Variants in COL23A1 observed in about 807,000 individuals in gnomAD.
COL23A1 encodes collagen type XXIII alpha 1 chain.
Under a neutral mutation model 99.3 loss-of-function variants are expected in COL23A1, and 97 were observed. That is an observed-to-expected ratio of 0.98 (90% confidence interval 0.83 to 1.16). COL23A1 has a LOEUF of 1.16. Ranked by LOEUF, COL23A1 falls within the 50% of genes most tolerant of loss-of-function variation. The probability of loss-of-function intolerance (pLI) is 0.00; values close to 1 mark genes in which losing one functional copy is unlikely to be tolerated. For synonymous variants in COL23A1, 320 were observed against 308.2 expected, an observed-to-expected ratio of 1.04 and a Z score of -0.40; for missense variants, 762 against 757.4, an observed-to-expected ratio of 1.01 and a Z score of -0.07.
chr5:178,450,295 T>G (rs1767413153), intron 2 of COL23A1, among the ~76,000 whole-genome samples: 1 of 152,188 alleles, frequency 6.6e-6, no homozygotes, highest in Admixed American at 6.5e-5. Context: ...AACGTTAGGA[T>G]GGCATAAGCC....
intron 2 of COL23A1, among the ~76,000 whole-genome samples, chr5:178,480,707 C>G (rs1198828613): frequency 6.6e-6 from 1 of 152,118 alleles, no homozygotes; most frequent in Non-Finnish European, 1.5e-5. Context: ...CAAGGTAAGT[C>G]AAAATGTAAT....
intron 1 of COL23A1, among the ~76,000 whole-genome samples, chr5:178,578,929 T>A (rs1366403764): frequency 2.0e-5 from 3 of 152,204 alleles, no homozygotes. Flanking sequence ...CATGAATAAT[T>A]TTATTTTTAT....
At chr5:178,462,237 T>TC (rs984059351) in intron 2 of COL23A1, among the ~76,000 whole-genome samples, 57 of 151,990 alleles carry the variant, frequency 3.8e-4, no homozygotes, top group African/African-American at 1.1e-3. Context: ...TCCAAGAGGT[T>TC]CCCCCCCACC....
intron 2 of COL23A1, among the ~76,000 whole-genome samples, chr5:178,493,599 T>C (rs1758047070): frequency 6.6e-6 from 1 of 152,212 alleles, no homozygotes; most frequent in African/African-American, 2.4e-5. Flanking sequence ...TTCAAGGCCC[T>C]GCCAGCCGCT....
intron 20 of COL23A1, 78 bp from the exon 21 acceptor site, chr5:178,247,909 G>A (rs1005952080): frequency 2.0e-5 from 26 of 1,272,928 alleles, no homozygotes; most frequent in Non-Finnish European, 2.7e-5. Flanking sequence ...ATCGCACACT[G>A]CTGGATCGAG....
At chr5:178,362,374 C>A (rs1762219115) in intron 2 of COL23A1, among the ~76,000 whole-genome samples, 1 of 152,328 alleles carries the variant, frequency 6.6e-6, no homozygotes, top group South Asian at 2.1e-4. Context: ...AGTGGGCCCA[C>A]AGCACGACAC....
intron 1 of COL23A1, among the ~76,000 whole-genome samples, chr5:178,585,324 C>A (rs1230203404): frequency 1.3e-5 from 2 of 150,438 alleles, no homozygotes; most frequent in East Asian, 2.0e-4. Context: ...TGGGGTAACA[C>A]TTGTGGCCCC....
At chr5:178,288,669 C>T in intron 4 of COL23A1, 1 of 461,850 alleles carries the variant, frequency 2.2e-6, no homozygotes, top group Non-Finnish European at 4.1e-6. Context: ...AGGGTGCAGC[C>T]ACAACCACAC....
chr5:178,295,531 G>C (rs1473139187), intron 3 of COL23A1, among the ~76,000 whole-genome samples: 1 of 152,238 alleles, frequency 6.6e-6, no homozygotes, highest in African/African-American at 2.4e-5. Flanking sequence ...ACACTGGTGA[G>C]AGGATAAATT....
Position 178,349,989 on chromosome 5 carries a change from G to T in COL23A1, c.362-43070C>A, listed in dbSNP as rs116366916. ...CAGTGCATGTGCACCCAGGGTCTCG[G>T]GTCCTATCAAGTCTCCTGGCCTTCA... On this transcript the variant is annotated intron_variant, in intron 2 of 28. Coordinates refer to ENST00000390654, the MANE Select transcript of COL23A1 (RefSeq NM_173465.4). Among the ~76,000 whole-genome samples the T allele has an allele frequency of 8.8e-3, 1,333 of 152,246 alleles. 19 individuals are homozygous for T. Among genetic ancestry groups the T allele is most frequent in the African/African-American group, 0.031 (1,281 of 41,524 alleles).
intron 2 of COL23A1, among the ~76,000 whole-genome samples, chr5:178,345,586 G>A (rs1760920816): frequency 1.3e-5 from 2 of 151,080 alleles, no homozygotes; most frequent in African/African-American, 4.9e-5. Flanking sequence ...GCGCGATCTC[G>A]ACTCACTGCA....
chr5:178,252,653 C>G, intron 16 of COL23A1, 56 bp from the exon 17 acceptor site: 1 of 1,492,458 alleles, frequency 6.7e-7, no homozygotes, highest in Non-Finnish European at 9.2e-7. Context: ...CCTCCCTTCG[C>G]TACCCATCCA....
chr5:178,287,665 C>T (rs1190249772), intron 5 of COL23A1, among the ~76,000 whole-genome samples: 1 of 152,192 alleles, frequency 6.6e-6, no homozygotes, highest in East Asian at 1.9e-4. Flanking sequence ...CAAAATGAAT[C>T]TGCCCCTCCC....
Position 178,273,623 on chromosome 5 carries a change from G to A in COL23A1, c.442-3260C>T, listed in dbSNP as rs181112808. On this transcript the variant is annotated intron_variant, in intron 5 of 28. Transcript: ENST00000390654. Reference sequence around the variant, plus strand: ...CGGAAGCCGAGCCTGTGCCTGCACCGGCACTGAAGCTCCCTGTGTGAAAAC... The same window carrying A: ...CGGAAGCCGAGCCTGTGCCTGCACCAGCACTGAAGCTCCCTGTGTGAAAAC... Among the ~76,000 whole-genome samples the A allele has an allele frequency of 1.4e-3, 207 of 152,324 alleles. 1 individual carries two copies. The highest frequency in any genetic ancestry group is 4.7e-3 in the African/African-American group (195 of 41,568).
intron 2 of COL23A1, among the ~76,000 whole-genome samples, chr5:178,463,699 T>A (rs1453082742): frequency 1.3e-5 from 2 of 152,140 alleles, no homozygotes; most frequent in East Asian, 3.9e-4. Context: ...GCTTTCCAAA[T>A]GTGCACGGTG....
chr5:178,563,570 C>G (rs1027011326), intron 1 of COL23A1, among the ~76,000 whole-genome samples: 1 of 120,000 alleles, frequency 8.3e-6, no homozygotes, highest in Non-Finnish European at 1.6e-5. Context: ...CTCACTCTGT[C>G]ATCCAGGCTG....
At chr5:178,563,900 A>C (rs1323184713) in intron 1 of COL23A1, among the ~76,000 whole-genome samples, 1 of 152,218 alleles carries the variant, frequency 6.6e-6, no homozygotes. Flanking sequence ...TTGGAGAAGA[A>C]ACCCAACATT....
intron 2 of COL23A1, among the ~76,000 whole-genome samples, chr5:178,410,778 C>G (rs552950065): frequency 6.6e-6 from 1 of 152,090 alleles, no homozygotes; most frequent in East Asian, 1.9e-4. Context: ...AAATGCAGTA[C>G]AATTTCATCA....
intron 2 of COL23A1, among the ~76,000 whole-genome samples, chr5:178,341,774 T>C (rs1400923730): frequency 6.6e-6 from 1 of 152,108 alleles, no homozygotes; most frequent in East Asian, 1.9e-4. Flanking sequence ...GTAGTCTCTG[T>C]TGCTCCAGCA....
Sources: allele counts gnomAD v4.1 joint callset (sites outside exome capture counted in the v4.1 genomes callset), GRCh38; gene constraint gnomAD v4.1.1; transcripts MANE v1.5; gene names NCBI Gene and HGNC (gene_info 2026-07-23, HGNC 2026-07-21).